Variants in MLLT3 observed in about 807,000 individuals in gnomAD.
The protein encoded by MLLT3 is protein AF-9.
MLLT3 carries 4 observed loss-of-function variants against 53.2 expected under a neutral mutation model. The ratio of observed to expected loss-of-function variants is 0.08; its 90% CI spans 0.04 to 0.17. The LOEUF is 0.17. Ranked by LOEUF, MLLT3 falls within the 10% of genes least tolerant of loss-of-function variation. The pLI is 1.00. For missense variants in MLLT3, 569 were observed against 684.0 expected (o/e 0.83, Z 1.87); for synonymous variants, 283 against 230.6 (o/e 1.23, Z -2.06).
intron 8 of MLLT3, among the ~76,000 whole-genome samples, chr9:20,357,454 G>A (rs958162467): frequency 2.0e-5 from 3 of 152,206 alleles, no homozygotes; most frequent in Non-Finnish European, 4.4e-5. Flanking sequence ...AGCAGTCTCT[G>A]AAAATAGAAG....
intron 4 of MLLT3, among the ~76,000 whole-genome samples, chr9:20,437,037 A>C (rs918309095): frequency 1.3e-5 from 2 of 152,164 alleles, no homozygotes; most frequent in African/African-American, 4.8e-5. Context: ...ACACACAGCT[A>C]CTAAGCACCA....
chr9:20,438,598 T>G (rs944028881), intron 4 of MLLT3, among the ~76,000 whole-genome samples: 1 of 152,136 alleles, frequency 6.6e-6, no homozygotes, highest in African/African-American at 2.4e-5. Flanking sequence ...TTATTTTATT[T>G]TACTTTATTT....
intron 2 of MLLT3, among the ~76,000 whole-genome samples, chr9:20,542,402 C>A (rs1378326189): frequency 6.6e-6 from 1 of 152,144 alleles, no homozygotes; most frequent in Non-Finnish European, 1.5e-5. Context: ...AGGCGCCCGC[C>A]ACCGCGCCCG....
intron 2 of MLLT3, among the ~76,000 whole-genome samples, chr9:20,480,491 A>C (rs1048582967): frequency 1.3e-5 from 2 of 152,152 alleles, no homozygotes; most frequent in African/African-American, 4.8e-5. Context: ...AAACTCAACA[A>C]TGAAGAACTG....
rs60526002 is a variant in MLLT3, at chr9:20,620,252, A to AACACACACACAC, written c.193+390_193+401dup. 7.7e-5 allele frequency among the ~76,000 whole-genome samples: 11 copies of AACACACACACAC among 142,500 alleles called. No homozygotes were observed. The highest frequency in any genetic ancestry group is 2.9e-4 in the African/African-American group (11 of 38,276). The allele number at this position is 142,500 out of a possible 152,430, so 93.5% of individuals were successfully genotyped here. ...AGGTAAATCTTAATTTCTCTAGGAAAACACACACACACACACACACACACA... is the reference window on the plus strand; with the variant it reads ...AGGTAAATCTTAATTTCTCTAGGAAAACACACACACACACACACACACACACACACACACACA... On this transcript the variant is annotated intron_variant, in intron 2 of 10. Coordinates refer to ENST00000380338, the MANE Select transcript of MLLT3 (RefSeq NM_004529.4). The surrounding 1 kb of genome is among the most constrained non-coding windows in gnomAD (Gnocchi z 6.1).
chr9:20,384,773 AC>A (rs1821991881), intron 5 of MLLT3, among the ~76,000 whole-genome samples: 1 of 152,114 alleles, frequency 6.6e-6, no homozygotes, highest in South Asian at 2.1e-4. Flanking sequence ...CATCAAATCT[AC>A]AGTCTGTTTT....
At chr9:20,499,483 T>C (rs760123407) in intron 2 of MLLT3, among the ~76,000 whole-genome samples, 4 of 152,170 alleles carry the variant, frequency 2.6e-5, no homozygotes, top group African/African-American at 4.8e-5. Flanking sequence ...TCTAAAAACA[T>C]TGTCTTTAAA....
intron 3 of MLLT3, among the ~76,000 whole-genome samples, chr9:20,451,426 T>C (rs1823836301): frequency 6.6e-6 from 1 of 152,228 alleles, no homozygotes; most frequent in African/African-American, 2.4e-5. Context: ...CACTTTATAG[T>C]CTACAACAGT....
intron 2 of MLLT3, among the ~76,000 whole-genome samples, chr9:20,487,563 T>C (rs2118916054): frequency 6.6e-6 from 1 of 152,252 alleles, no homozygotes; most frequent in South Asian, 2.1e-4. Flanking sequence ...TTCATCACTT[T>C]CTTACAACAA....
intron 2 of MLLT3, among the ~76,000 whole-genome samples, chr9:20,512,170 A>C (rs1403741070): frequency 6.6e-6 from 1 of 152,240 alleles, no homozygotes; most frequent in Admixed American, 6.5e-5. Context: ...CCTCCAAGAA[A>C]GGCTGCAATG....
intron 3 of MLLT3, among the ~76,000 whole-genome samples, chr9:20,450,882 T>C (rs1276667369): frequency 6.6e-6 from 1 of 152,216 alleles, no homozygotes; most frequent in Non-Finnish European, 1.5e-5. Context: ...ACTGGGAGCA[T>C]AAACTGGTAA....
In MLLT3 at chr9:20,506,142, C is replaced by T. The variant is rs138060470; in HGVS notation, c.194-49356G>A. ...CGATTTCGGCTCACTGCAACCTCTG[C>T]CTCCCAGGTTCAAGCAATTCTCCTG... On this transcript the variant is annotated intron_variant, in intron 2 of 10. Coordinates refer to ENST00000380338, the MANE Select transcript of MLLT3 (RefSeq NM_004529.4). 1.7e-4 allele frequency among the ~76,000 whole-genome samples: 26 copies of T among 151,954 alleles called. 1 individual carries two copies. In the East Asian group the frequency reaches 4.6e-3, roughly 27 times the overall value.
intron 2 of MLLT3, among the ~76,000 whole-genome samples, chr9:20,579,424 A>G (rs939962222): frequency 1.3e-5 from 2 of 152,150 alleles, no homozygotes; most frequent in Middle Eastern, 3.4e-3. Flanking sequence ...AATTATATAT[A>G]TACAAAAGAA....
intron 3 of MLLT3, among the ~76,000 whole-genome samples, chr9:20,452,800 T>C (rs370185295): frequency 3.8e-4 from 58 of 152,276 alleles, no homozygotes; most frequent in African/African-American, 1.4e-3. Flanking sequence ...AAAACAGATA[T>C]CATGTAAGAT....
chr9:20,575,626 G>C (rs1819634205), intron 2 of MLLT3, among the ~76,000 whole-genome samples: 1 of 152,080 alleles, frequency 6.6e-6, no homozygotes, highest in Non-Finnish European at 1.5e-5. Flanking sequence ...CGAGCTCTTG[G>C]GTGATGAGGT....
At chr9:20,543,423 A>C (rs1312441315) in intron 2 of MLLT3, among the ~76,000 whole-genome samples, 2 of 152,214 alleles carry the variant, frequency 1.3e-5, no homozygotes, top group Admixed American at 6.5e-5. Flanking sequence ...GGTGCCCCCA[A>C]AACAGTTACA....
At chr9:20,521,613 A>G (rs1818061001) in intron 2 of MLLT3, among the ~76,000 whole-genome samples, 1 of 141,666 alleles carries the variant, frequency 7.1e-6, no homozygotes, top group Non-Finnish European at 1.5e-5. Context: ...TACAGTAACT[A>G]TCATAAAAGC....
At chr9:20,530,860 A>G (rs1349524225) in intron 2 of MLLT3, among the ~76,000 whole-genome samples, 10 of 152,184 alleles carry the variant, frequency 6.6e-5, no homozygotes, top group Non-Finnish European at 1.5e-4. Flanking sequence ...CGAACTACTT[A>G]TCTCAAGTGA....
At chr9:20,489,547 C>G (rs1824895218) in intron 2 of MLLT3, among the ~76,000 whole-genome samples, 2 of 152,172 alleles carry the variant, frequency 1.3e-5, no homozygotes. Flanking sequence ...GGCTGCCACC[C>G]TGAAGACGTT....
Sources: gnomAD v4.1 joint callset for allele counts (sites outside exome capture counted in the v4.1 genomes callset) on GRCh38, gnomAD v4.1.1 for gene constraint, Gnocchi (gnomAD v3.1) non-coding constraint, MANE v1.5 for transcripts, NCBI Gene and HGNC (gene_info 2026-07-23, HGNC 2026-07-21) for gene names.